The following AQP4 variants were observed in gnomAD, a reference collection of about 807,000 sequenced individuals.
AQP4 encodes the protein aquaporin 4.
Under a neutral mutation model 27.8 loss-of-function variants are expected in AQP4, and 18 were observed. The ratio of observed to expected loss-of-function variants is 0.65; its 90% CI spans 0.45 to 0.96. The LOEUF is 0.96. AQP4 is among the 40% of genes least tolerant of loss of function. The pLI, the probability that AQP4 is intolerant of heterozygous loss-of-function variation, is 0.00. For missense variants in AQP4, 412 were observed against 408.2 expected, an observed-to-expected ratio of 1.01 and a Z score of -0.08; for synonymous variants, 141 against 142.9, an observed-to-expected ratio of 0.99 and a Z score of 0.10.
At position 26,853,620 on chromosome 18, in the gene AQP4, T is replaced by C. The variant is rs2054790733; in HGVS notation, c.*2591A>G. On this transcript the variant is annotated 3_prime_UTR_variant, in exon 5 of 5. Transcript: ENST00000383168. ...TGTGTATCTGTCAGCAGTGGTCTCC[T>C]GGGAGCAGCACTATGCACTTCATTA... The C allele has an allele frequency of 6.6e-6, 1 of 152,582 alleles. No homozygotes were observed. Among genetic ancestry groups the C allele is most frequent in the South Asian group, 2.1e-4 (1 of 4,832 alleles). The allele number at this position is 152,582 out of a possible 1,614,324, so 9.5% of individuals were successfully genotyped here.
At chr18:26,859,389 C>T (rs938834838) in intron 4 of AQP4, among the ~76,000 whole-genome samples, 1 of 152,130 alleles carries the variant, frequency 6.6e-6, no homozygotes, top group Non-Finnish European at 1.5e-5. Flanking sequence ...AGTGTGGTGG[C>T]ATGCACCTGT....
intron 4 of AQP4, among the ~76,000 whole-genome samples, chr18:26,859,814 A>G (rs1468968123): frequency 6.6e-6 from 1 of 152,196 alleles, no homozygotes; most frequent in Non-Finnish European, 1.5e-5. Context: ...TAGGTTGGTA[A>G]TCACTGTCTG....
At chr18:26,864,584 A>C (rs2055022714) in intron 1 of AQP4, among the ~76,000 whole-genome samples, 1 of 152,196 alleles carries the variant, frequency 6.6e-6, no homozygotes, top group Non-Finnish European at 1.5e-5. Context: ...AGACACTAAA[A>C]ATATTCCCAA....
intron 2 of AQP4, among the ~76,000 whole-genome samples, chr18:26,861,865 AACTG>A (rs1477793268): frequency 6.6e-6 from 1 of 152,152 alleles, no homozygotes. Flanking sequence ...GTGAACAAAT[AACTG>A]TAAGGAAAAT....
chr18:26,856,632 A>C (rs2054850490), intron 4 of AQP4, 143 bp from the exon 5 acceptor site: 1 of 939,022 alleles, frequency 1.1e-6, no homozygotes, highest in African/African-American at 1.7e-5. Context: ...AGAGGAAATA[A>C]GAAAACACAC....
intron 4 of AQP4, 111 bp downstream of exon 4, chr18:26,860,661 G>C (rs528057628): frequency 2.2e-4 from 203 of 929,952 alleles, no homozygotes; most frequent in Non-Finnish European, 3.1e-4. Flanking sequence ...TGAGGGTCAA[G>C]GTTGGAGAAA....
At chr18:26,860,886 C>T (rs2054929549) in intron 3 of AQP4, 34 bp from the exon 4 acceptor site, 3 of 1,591,170 alleles carry the variant, frequency 1.9e-6, no homozygotes, top group Non-Finnish European at 2.6e-6. Flanking sequence ...TCAGACATTG[C>T]TGAAACAGGG....
chr18:26,858,539 C>T (rs1350416076), intron 4 of AQP4, among the ~76,000 whole-genome samples: 1 of 152,164 alleles, frequency 6.6e-6, no homozygotes, highest in African/African-American at 2.4e-5. Flanking sequence ...GAATCAAGTT[C>T]CTCTCTTGAA....
chr18:26,856,200 C>T lies in AQP4; in HGVS notation c.*11G>A, dbSNP rs373131318. The T allele has an allele frequency of 3.3e-5, 54 of 1,613,912 alleles. No homozygotes were observed. Among genetic ancestry groups the T allele is most frequent in the East Asian group, 2.0e-4 (9 of 44,898 alleles). On this transcript the variant is annotated 3_prime_UTR_variant, in exon 5 of 5. Transcript: ENST00000383168. Reference sequence around the variant, plus strand: ...TAAGGAGTCTTGTCTGCTTTCAGTGCGATCTTCTAGTCATACTGAAGACAA... The same window carrying T: ...TAAGGAGTCTTGTCTGCTTTCAGTGTGATCTTCTAGTCATACTGAAGACAA...
Position 26,853,442 on chromosome 18 carries a change from C to T in AQP4, c.*2769G>A, listed in dbSNP as rs1568062331. On this transcript the variant is annotated 3_prime_UTR_variant, in exon 5 of 5. Transcript: ENST00000383168. The stretch of plus-strand genomic sequence containing the variant: ...AATAAGACTCTTTCCCTTTTGTACA[C>T]TTTTGACAAACTATGTGCGTTTTCA... 1 of 152,234 alleles carries T rather than the reference C, an allele frequency of 6.6e-6. No individual in the cohort carries two copies. The highest frequency in any genetic ancestry group is 1.5e-5 in the Non-Finnish European group (1 of 68,042). 9.4% of individuals were successfully genotyped at this position (152,234 alleles called of 1,614,324 possible). A position where few individuals can be genotyped will look rare whatever the true frequency, so the allele number is the denominator to read the frequency against.
rs975500944 is a variant in AQP4 at position 26,860,131 on chromosome 18, A to G, written c.693+641T>C. ...CCACTACATTAATAAATATTTATTT[A>G]TAATAGTTTAGGTTTGAGACTGAAA... On this transcript the variant is annotated intron_variant, in intron 4 of 4. Coordinates refer to ENST00000383168, the MANE Select transcript of AQP4 (RefSeq NM_001650.7). Among the ~76,000 whole-genome samples, 25 of 152,342 alleles carry G rather than the reference A, an allele frequency of 1.6e-4. No homozygotes were observed. In the South Asian group the frequency reaches 1.7e-3, roughly 10 times the overall value.
At chr18:26,861,693 G>T (rs73945981) in intron 2 of AQP4, among the ~76,000 whole-genome samples, 1,817 of 152,220 alleles carry the variant, frequency 0.012, 30 homozygotes, top group African/African-American at 0.041. Context: ...TTTAAGCCAT[G>T]TGTGTTTTTT....
chr18:26,862,770 GTT>G, intron 1 of AQP4, 174 bp from the exon 2 acceptor site: 2 of 754,988 alleles, frequency 2.6e-6, no homozygotes, highest in East Asian at 2.7e-5. Flanking sequence ...TCAAGAGACT[GTT>G]ATTCTAGTCT....
chr18:26,861,675 A>G (rs2054947078), intron 2 of AQP4, among the ~76,000 whole-genome samples: 1 of 152,176 alleles, frequency 6.6e-6, no homozygotes, highest in Non-Finnish European at 1.5e-5. Context: ...TATATATTTC[A>G]ATTAAAATTT....
At chr18:26,859,274 C>T (rs899099655) in intron 4 of AQP4, among the ~76,000 whole-genome samples, 1 of 152,176 alleles carries the variant, frequency 6.6e-6, no homozygotes, top group Non-Finnish European at 1.5e-5. Context: ...AATCCCAGCA[C>T]TTTGGGAGGC....
In AQP4 at chr18:26,853,761, A is replaced by G. The variant is rs1362919811; in HGVS notation, c.*2450T>C. On this transcript the variant is annotated 3_prime_UTR_variant, in exon 5 of 5. Coordinates refer to ENST00000383168, the MANE Select transcript of AQP4 (RefSeq NM_001650.7). ...GATGTCATTAGAAAGGTACAATTTC[A>G]TTACTTTTTACTGGCAGAGCCTTGA... 1 of 152,610 alleles carries G rather than the reference A, an allele frequency of 6.6e-6. No individual in the cohort carries two copies. The highest frequency in any genetic ancestry group is 1.5e-5 in the Non-Finnish European group (1 of 68,030). 9.5% of individuals were successfully genotyped at this position (152,610 alleles called of 1,614,324 possible).
chr18:26,865,368 A>G (rs2055040428), intron 1 of AQP4: 2 of 529,416 alleles, frequency 3.8e-6, no homozygotes, highest in Admixed American at 6.3e-5. Context: ...TGGGTGAGTA[A>G]TTTTTCCGAA....
chr18:26,856,023 T>A lies in AQP4; in HGVS notation c.*188A>T. 1.4e-6 allele frequency: 1 copy of A among 711,086 alleles called. No individual in the cohort carries two copies. The highest frequency in any genetic ancestry group is 2.3e-6 in the Non-Finnish European group (1 of 437,734). The allele number at this position is 711,086 out of a possible 1,614,324, so 44.0% of individuals were successfully genotyped here. A position where few individuals can be genotyped will look rare whatever the true frequency, so the allele number is the denominator to read the frequency against. ...AATATTTCTTTTTTTAGATTTGGAA[T>A]TCACAATAGGTTTCTTCCGTTCCTC... is the stretch of plus-strand genomic sequence containing the variant. On this transcript the variant is annotated 3_prime_UTR_variant, in exon 5 of 5. Transcript: ENST00000383168.
chr18:26,855,392 A>C lies in AQP4; in HGVS notation c.*819T>G, dbSNP rs754289883. ...GGTGCATTTGAGGGTGTGCACTGAA[A>C]ACAGATCAACCGTTTGATACCCGAA... On this transcript the variant is annotated 3_prime_UTR_variant, in exon 5 of 5. Coordinates refer to ENST00000383168, the MANE Select transcript of AQP4 (RefSeq NM_001650.7). 1 of 152,236 alleles carries C rather than the reference A, an allele frequency of 6.6e-6. No homozygotes were observed. Among genetic ancestry groups the C allele is most frequent in the African/African-American group, 2.4e-5 (1 of 41,450 alleles). The allele number at this position is 152,236 out of a possible 1,614,324, so 9.4% of individuals were successfully genotyped here.
Sources: gnomAD v4.1 joint callset for allele counts (sites outside exome capture counted in the v4.1 genomes callset) on GRCh38, gnomAD v4.1.1 for gene constraint, MANE v1.5 for transcripts, NCBI Gene and HGNC (gene_info 2026-07-23, HGNC 2026-07-21) for gene names.